Variants in SF3B3 observed in about 807,000 individuals in gnomAD.
SF3B3 encodes splicing factor 3b subunit 3.
Under a neutral mutation model 139.2 loss-of-function variants are expected in SF3B3, and 33 were observed. The ratio of observed to expected loss-of-function variants is 0.24; its 90% CI spans 0.18 to 0.32. The LOEUF is 0.32. Among genes scored for constraint, SF3B3 ranks in the 10% least tolerant of loss-of-function variants. SF3B3 has a pLI of 1.00. For synonymous variants in SF3B3, 596 were observed against 563.6 expected (o/e 1.06, Z -0.81); for missense variants, 818 against 1,509.4 (o/e 0.54, Z 7.59).
chr16:70,561,030 T>G (rs1034544268), intron 16 of SF3B3, among the ~76,000 whole-genome samples: 23 of 152,138 alleles, frequency 1.5e-4, no homozygotes, highest in African/African-American at 5.1e-4. Context: ...TTTTGTTGTT[T>G]TTTTTTTTGA....
intron 9 of SF3B3, among the ~76,000 whole-genome samples, chr16:70,543,833 T>C (rs1261111741): frequency 6.7e-6 from 1 of 150,288 alleles, no homozygotes; most frequent in Non-Finnish European, 1.5e-5. Context: ...GAATAATGTT[T>C]TACTGTTTTT....
In SF3B3 at chr16:70,575,187, CTTTTTTTTCTTTTTT is replaced by C. The variant is rs1353083688; in HGVS notation, c.*3383_*3397del. 7 of 130,080 alleles carry C rather than the reference CTTTTTTTTCTTTTTT, an allele frequency of 5.4e-5. No individual in the cohort carries two copies. The highest frequency in any genetic ancestry group is 2.1e-4 in the African/African-American group (7 of 33,938). 8.1% of individuals were successfully genotyped at this position (130,080 alleles called of 1,614,324 possible). Reference sequence around the variant, plus strand: ...TTCTCTTTTTTTTCTTTTTCTTTTTCTTTTTTTTCTTTTTTTTTTTTTTTTTTTTGAGATGAAGTC... The same window carrying C: ...TTCTCTTTTTTTTCTTTTTCTTTTTCTTTTTTTTTTTTTTGAGATGAAGTC... On this transcript the variant is annotated 3_prime_UTR_variant, in exon 26 of 26. Transcript: ENST00000302516.
At chr16:70,544,983 A>G (rs770483440) in intron 10 of SF3B3, among the ~76,000 whole-genome samples, 3 of 152,238 alleles carry the variant, frequency 2.0e-5, no homozygotes, top group African/African-American at 4.8e-5. Context: ...TAAATCAACT[A>G]TATCAATGCT....
At position 70,554,591 on chromosome 16, in the gene SF3B3, G is replaced by A. The variant is rs749110251; in HGVS notation, c.1548G>A (p.Leu516=). 7.4e-6 allele frequency: 12 copies of A among 1,613,992 alleles called. No homozygotes were observed. The highest frequency in any genetic ancestry group is 3.3e-4 in the Middle Eastern group (2 of 6,084). Residue 516 remains leucine, a synonymous_variant, in exon 12 of 26, where the codon TTG becomes TTA. Coordinates refer to ENST00000302516, the MANE Select transcript of SF3B3 (RefSeq NM_012426.5). The part of the protein sequence containing the change: ...LSCSLLGDDA[L]VQVYPDGIRH... ...GCTCCTTATTAGGAGATGATGCCTT[G>A]GTGCAGGTGAGGGTTCTCAGAGCTT...
At position 70,556,181 on chromosome 16, in the gene SF3B3, A is replaced by G. The variant is rs1036698392; in HGVS notation, c.1713A>G (p.Ser571=). The G allele has an allele frequency of 1.2e-6, 2 of 1,614,032 alleles. No individual in the cohort carries two copies. Among genetic ancestry groups the G allele is most frequent in the African/African-American group, 1.3e-5 (1 of 74,912 alleles). Residue 571 remains serine (S), a splice_region_variant and synonymous_variant, in exon 14 of 26, where the codon TCA becomes TCG. Transcript: ENST00000302516. ...TTGCTGTGTCTTTCCTCCTGTAGTCAGGACAGCTGAATGAGTACACAGAAC... is the reference window on the plus strand; with the variant it reads ...TTGCTGTGTCTTTCCTCCTGTAGTCGGGACAGCTGAATGAGTACACAGAAC... The part of the protein sequence containing the change: ...GELVYFEMDP[S]GQLNEYTERK...
rs1272647910 is a variant in SF3B3, at chr16:70,575,933, A to G, written c.*4120A>G. ...AACAGATTCCTGGGGTCTGCTCCCAATTATTCACACGGTGGTTCATGCCTG... is the reference window on the plus strand; with the variant it reads ...AACAGATTCCTGGGGTCTGCTCCCAGTTATTCACACGGTGGTTCATGCCTG... On this transcript the variant is annotated 3_prime_UTR_variant, in exon 26 of 26. Coordinates refer to ENST00000302516, the MANE Select transcript of SF3B3 (RefSeq NM_012426.5). The G allele has an allele frequency of 6.6e-6, 1 of 152,226 alleles. No individual in the cohort carries two copies. Among genetic ancestry groups the G allele is most frequent in the East Asian group, 1.9e-4 (1 of 5,206 alleles). 9.4% of individuals were successfully genotyped at this position (152,226 alleles called of 1,614,324 possible).
In SF3B3 at chr16:70,569,025, T is replaced by C. The variant is rs1186738784; in HGVS notation, c.3166-18T>C. The C allele has an allele frequency of 1.9e-6, 3 of 1,582,532 alleles. No individual in the cohort carries two copies. The highest frequency in any genetic ancestry group is 2.2e-5 in the East Asian group (1 of 44,482). On this transcript the variant is annotated intron_variant, in intron 22 of 25. Transcript: ENST00000302516. ...AGGTCCGGGCCCCAGCAGTGTGACT[T>C]GTGTCACTTCCTTGTAGGTGAGGCT... is the stretch of plus-strand genomic sequence containing the variant.
At chr16:70,555,335 G>A in intron 13 of SF3B3, 129 bp downstream of exon 13, 1 of 838,128 alleles carries the variant, frequency 1.2e-6, no homozygotes, top group Non-Finnish European at 1.9e-6. Flanking sequence ...AAAATTAGCT[G>A]GGCGTGTTGG....
At chr16:70,564,658 T>C (rs2050458944) in intron 18 of SF3B3, among the ~76,000 whole-genome samples, 3 of 152,234 alleles carry the variant, frequency 2.0e-5, no homozygotes, top group Admixed American at 2.0e-4. Flanking sequence ...ACTCATTGCC[T>C]AGCAGAAACC....
intron 2 of SF3B3, 27 bp from the exon 3 acceptor site, chr16:70,528,846 T>C (rs200010321): frequency 2.6e-6 from 4 of 1,564,848 alleles, no homozygotes; most frequent in Admixed American, 1.7e-5. Flanking sequence ...TCTGGTTGTT[T>C]ATGATCTTTA....
chr16:70,532,034 G>A (rs547496389), intron 4 of SF3B3, among the ~76,000 whole-genome samples: 4 of 152,262 alleles, frequency 2.6e-5, no homozygotes, highest in East Asian at 3.9e-4. Context: ...AGTGGCTCAC[G>A]CCTGTAATCC....
In SF3B3 at chr16:70,555,024, C is replaced by T. The variant is rs751038242; in HGVS notation, c.1555-27C>T. ...GAGTGATGAATCAAATTGTTAAAGT[C>T]AGGTTTCTTTCTGTTACTGACTCTA... is the stretch of plus-strand genomic sequence containing the variant. On this transcript the variant is annotated intron_variant, in intron 12 of 25. Transcript: ENST00000302516. 10 of 1,606,818 alleles carry T rather than the reference C, an allele frequency of 6.2e-6. No individual in the cohort carries two copies. The South Asian group carries it at 9.9e-5, about 16-fold the overall frequency.
chr16:70,526,897 T>C lies in SF3B3; in HGVS notation c.70+171T>C, dbSNP rs953411240. 1.2e-5 allele frequency: 7 copies of C among 601,266 alleles called. No homozygotes were observed. The Admixed American group carries it at 2.1e-4, about 18-fold the overall frequency. 37.2% of individuals were successfully genotyped at this position (601,266 alleles called of 1,614,324 possible). A position where few individuals can be genotyped will look rare whatever the true frequency, so the allele number is the denominator to read the frequency against. ...GTTCTGGTGCATTATCTGTTACCTA[T>C]TTCAGATGCATTTCCTAGTTCACAA... On this transcript the variant is annotated intron_variant, in intron 2 of 25. Transcript: ENST00000302516.
At chr16:70,542,101 A>T (rs1339618242) in intron 9 of SF3B3, among the ~76,000 whole-genome samples, 1 of 152,216 alleles carries the variant, frequency 6.6e-6, no homozygotes, top group Non-Finnish European at 1.5e-5. Flanking sequence ...GTGAGAAGTA[A>T]AAGTCCTCCC....
In SF3B3 at chr16:70,575,285, GC is replaced by G. The variant is rs2151797752; in HGVS notation, c.*3474del. The G allele has an allele frequency of 7.6e-6, 1 of 131,838 alleles. No homozygotes were observed. Among genetic ancestry groups the G allele is most frequent in the African/African-American group, 2.9e-5 (1 of 35,084 alleles). 8.2% of individuals were successfully genotyped at this position (131,838 alleles called of 1,614,324 possible). A position where few individuals can be genotyped will look rare whatever the true frequency, so the allele number is the denominator to read the frequency against. Reference sequence around the variant, plus strand: ...ACAATCTCGGCTCACCACAGCCTCCGCCTCCTGGGTTCAAGCAATTCTCCTG... The same window carrying G: ...ACAATCTCGGCTCACCACAGCCTCCGCTCCTGGGTTCAAGCAATTCTCCTG... On this transcript the variant is annotated 3_prime_UTR_variant, in exon 26 of 26. Transcript: ENST00000302516.
chr16:70,532,450 A>G (rs757465108), intron 4 of SF3B3, 29 bp from the exon 5 acceptor site: 11 of 1,603,996 alleles, frequency 6.9e-6, no homozygotes, highest in Non-Finnish European at 9.4e-6. Flanking sequence ...TATGCTGATG[A>G]TTAGTTTTTA....
Position 70,526,504 on chromosome 16 carries a change from T to C in SF3B3, c.-70-83T>C. ...ATAGGGCTTGCTCTGCTGGTTCTGCTGTCTTCATCCAGAATTTCCCATACA... is the reference window on the plus strand; with the variant it reads ...ATAGGGCTTGCTCTGCTGGTTCTGCCGTCTTCATCCAGAATTTCCCATACA... On this transcript the variant is annotated intron_variant, in intron 1 of 25. Transcript: ENST00000302516. 9 of 605,650 alleles carry C rather than the reference T, an allele frequency of 1.5e-5. No homozygotes were observed. In the South Asian group the frequency reaches 1.9e-4, roughly 12 times the overall value. The allele number at this position is 605,650 out of a possible 1,614,324, so 37.5% of individuals were successfully genotyped here. A position where few individuals can be genotyped will look rare whatever the true frequency, so the allele number is the denominator to read the frequency against.
At chr16:70,569,241 C>A in intron 23 of SF3B3, 100 bp downstream of exon 23, 1 of 783,504 alleles carries the variant, frequency 1.3e-6, no homozygotes, top group Non-Finnish European at 2.1e-6. Flanking sequence ...ATAGTGCACA[C>A]GACTGTGCTG....
intron 9 of SF3B3, among the ~76,000 whole-genome samples, chr16:70,542,167 C>A (rs2050224896): frequency 7.1e-6 from 1 of 141,682 alleles, no homozygotes; most frequent in Non-Finnish European, 1.5e-5. Flanking sequence ...TTAACAACTT[C>A]TTGTGACTGC....
Sources: gnomAD v4.1 joint callset for allele counts (sites outside exome capture counted in the v4.1 genomes callset) on GRCh38, gnomAD v4.1.1 for gene constraint, MANE v1.5 for transcripts, NCBI Gene and HGNC (gene_info 2026-07-23, HGNC 2026-07-21) for gene names.